EPM2A: variants seen among roughly 807,000 people sequenced by gnomAD.
EPM2A encodes laforin.
A neutral mutation model predicts 26.5 loss-of-function variants in EPM2A; 21 were observed. That is an observed-to-expected ratio of 0.79 (90% CI 0.56 to 1.14). The LOEUF (loss-of-function observed/expected upper bound fraction) is 1.14. EPM2A is among the 50% of genes most tolerant of loss of function. EPM2A has a pLI of 0.00. For synonymous variants in EPM2A, 217 were observed against 177.6 expected (o/e 1.22, Z -1.76); for missense variants, 458 against 440.8 (o/e 1.04, Z -0.35).
chr6:145,431,707 G>A (rs939475335), intron 4 of EPM2A, among the ~76,000 whole-genome samples: 2 of 152,172 alleles, frequency 1.3e-5, no homozygotes, highest in Non-Finnish European at 2.9e-5. Flanking sequence ...GCTGATTACT[G>A]AAGATGAGTG....
At chr6:145,725,227 C>T (rs1463763640) in intron 1 of EPM2A, among the ~76,000 whole-genome samples, 2 of 152,006 alleles carry the variant, frequency 1.3e-5, no homozygotes, top group Non-Finnish European at 2.9e-5. Context: ...CAGAATTGCA[C>T]ATCTAAACAA....
Position 145,508,690 on chromosome 6 carries a change from GA to G in EPM2A, c.341-6116del, listed in dbSNP as rs199751466. Among the ~76,000 whole-genome samples, 1,322 of 152,302 alleles carry G rather than the reference GA, an allele frequency of 8.7e-3. 13 individuals are homozygous for G. The highest frequency in any genetic ancestry group is 0.03 in the African/African-American group (1,266 of 41,554). On this transcript the variant is annotated intron_variant, in intron 2 of 3. Transcript: ENST00000450221. ...AGAACTCTGGCAATACAAAAATCCA[GA>G]GTGTTTTTTCACCTCCAAAGGATTG...
chr6:145,425,996 C>G (rs1006062080), intron 4 of EPM2A, among the ~76,000 whole-genome samples: 1 of 152,072 alleles, frequency 6.6e-6, no homozygotes, highest in Non-Finnish European at 1.5e-5. Context: ...ATTTAAAAAG[C>G]CTCTGTAGGA....
At chr6:145,422,607 G>A (rs1214844451) in intron 4 of EPM2A, among the ~76,000 whole-genome samples, 1 of 151,862 alleles carries the variant, frequency 6.6e-6, no homozygotes, top group Non-Finnish European at 1.5e-5. Context: ...TGACCTCACT[G>A]ACCATCAGAA....
chr6:145,545,174 C>G (rs910857747), intron 2 of EPM2A, among the ~76,000 whole-genome samples: 1 of 147,408 alleles, frequency 6.8e-6, no homozygotes, highest in Non-Finnish European at 1.5e-5. Context: ...TACATTCACT[C>G]TTATTACTTA....
intron 2 of EPM2A, among the ~76,000 whole-genome samples, chr6:145,525,345 A>C (rs887216541): frequency 5.9e-5 from 9 of 151,920 alleles, no homozygotes; most frequent in African/African-American, 2.2e-4. Context: ...TTGAAGAATG[A>C]CACTGGTAGT....
intron 4 of EPM2A, among the ~76,000 whole-genome samples, chr6:145,480,390 A>G (rs1269973466): frequency 1.3e-5 from 2 of 152,132 alleles, no homozygotes; most frequent in East Asian, 1.9e-4. Flanking sequence ...CGATCCAATC[A>G]TCTCCCACCA....
At chr6:145,674,861 T>G (rs1779909130) in intron 2 of EPM2A, among the ~76,000 whole-genome samples, 1 of 152,038 alleles carries the variant, frequency 6.6e-6, no homozygotes, top group Non-Finnish European at 1.5e-5. Flanking sequence ...AAAACACTCT[T>G]CAGGATATTA....
At chr6:145,660,807 C>A (rs924848068) in intron 2 of EPM2A, among the ~76,000 whole-genome samples, 1 of 152,068 alleles carries the variant, frequency 6.6e-6, no homozygotes, top group East Asian at 1.9e-4. Flanking sequence ...CATAAAATAA[C>A]ATAAAATAAT....
intron 4 of EPM2A, among the ~76,000 whole-genome samples, chr6:145,431,084 C>A (rs1049139080): frequency 2.0e-5 from 3 of 152,016 alleles, no homozygotes; most frequent in African/African-American, 7.2e-5. Flanking sequence ...ACATGTATGT[C>A]AACAAGAAGA....
chr6:145,441,826 C>T (rs1779066665), intron 4 of EPM2A, among the ~76,000 whole-genome samples: 1 of 152,214 alleles, frequency 6.6e-6, no homozygotes, highest in Non-Finnish European at 1.5e-5. Flanking sequence ...TGCACCACTG[C>T]ATTCCAGCCT....
intron 2 of EPM2A, among the ~76,000 whole-genome samples, chr6:145,506,071 C>T (rs1176667140): frequency 6.6e-6 from 1 of 152,150 alleles, no homozygotes; most frequent in Non-Finnish European, 1.5e-5. Flanking sequence ...GGTTTTATTA[C>T]TTACAATTGG....
chr6:145,683,138 A>G (rs1780659503), intron 2 of EPM2A, among the ~76,000 whole-genome samples: 1 of 152,046 alleles, frequency 6.6e-6, no homozygotes, highest in Admixed American at 6.6e-5. Context: ...TTATGCTGGA[A>G]TTTTTAAGGG....
chr6:145,626,216 A>G lies in EPM2A; in HGVS notation c.*1200T>C, dbSNP rs1775798740. 3.0e-6 allele frequency: 3 copies of G among 991,790 alleles called. No homozygotes were observed. Among genetic ancestry groups the G allele is most frequent in the Admixed American group, 5.7e-5 (1 of 17,396 alleles). 61.4% of individuals were successfully genotyped at this position (991,790 alleles called of 1,614,324 possible). A position where few individuals can be genotyped will look rare whatever the true frequency, so the allele number is the denominator to read the frequency against. ...GAATGCAGGTCTGTTTCTAGGCAGCACATTTTTGAAGGCAAAGTTGTTCAT... is the reference window on the plus strand; with the variant it reads ...GAATGCAGGTCTGTTTCTAGGCAGCGCATTTTTGAAGGCAAAGTTGTTCAT... On this transcript the variant is annotated 3_prime_UTR_variant, in exon 4 of 4. Transcript: ENST00000367519.
At chr6:145,612,835 A>C (rs975871032) in intron 2 of EPM2A, among the ~76,000 whole-genome samples, 3 of 151,750 alleles carry the variant, frequency 2.0e-5, no homozygotes, top group Non-Finnish European at 4.4e-5. Context: ...TCAGCAAGTC[A>C]TAATCTTTTG....
At chr6:145,458,905 T>G (rs574636821) in intron 4 of EPM2A, among the ~76,000 whole-genome samples, 62 of 152,284 alleles carry the variant, frequency 4.1e-4, no homozygotes, top group African/African-American at 1.4e-3. Flanking sequence ...CTACTAAGTT[T>G]TCTTGCAAAA....
intron 2 of EPM2A, among the ~76,000 whole-genome samples, chr6:145,651,478 G>A (rs1777874055): frequency 6.6e-6 from 1 of 152,168 alleles, no homozygotes; most frequent in Non-Finnish European, 1.5e-5. Context: ...GAGAACACCT[G>A]TTTCTATCAA....
At chr6:145,465,733 A>G (rs540891000) in intron 4 of EPM2A, among the ~76,000 whole-genome samples, 2 of 152,182 alleles carry the variant, frequency 1.3e-5, no homozygotes, top group South Asian at 4.2e-4. Flanking sequence ...CGGCCGTGTG[A>G]GGTGTCAGTC....
intron 4 of EPM2A, among the ~76,000 whole-genome samples, chr6:145,493,770 T>C (rs1050908445): frequency 6.6e-6 from 1 of 152,230 alleles, no homozygotes; most frequent in Non-Finnish European, 1.5e-5. Flanking sequence ...TCTTTAGTTT[T>C]ATGTGATGAA....
Sources: gnomAD v4.1 joint callset for allele counts (sites outside exome capture counted in the v4.1 genomes callset) on GRCh38, gnomAD v4.1.1 for gene constraint, MANE v1.5 for transcripts, NCBI Gene and HGNC (gene_info 2026-07-23, HGNC 2026-07-21) for gene names.